Variants in PDE7A observed in about 807,000 individuals in gnomAD.
The protein encoded by PDE7A is phosphodiesterase 7A.
PDE7A carries 39 observed loss-of-function variants against 64.3 expected under a neutral mutation model. That is an observed-to-expected ratio of 0.61 (90% confidence interval 0.47 to 0.79). The LOEUF is 0.79. Among genes scored for constraint, PDE7A ranks in the 30% least tolerant of loss-of-function variants. The probability of loss-of-function intolerance (pLI) is 0.00; values close to 1 mark genes in which losing one functional copy is unlikely to be tolerated. For synonymous variants in PDE7A, 203 were observed against 206.8 expected (o/e 0.98, Z 0.16); for missense variants, 470 against 582.8 (o/e 0.81, Z 1.99).
chr8:65,745,535 T>C (rs1363165807), intron 4 of PDE7A, 65 bp from the exon 5 acceptor site: 2 of 873,688 alleles, frequency 2.3e-6, no homozygotes, highest in Non-Finnish European at 3.8e-6. Flanking sequence ...TTGGAGATAT[T>C]CCATAGAGAA....
At chr8:65,723,677 A>T (rs1206099035) in intron 11 of PDE7A, 56 bp from the exon 12 acceptor site, 13 of 1,252,800 alleles carry the variant, frequency 1.0e-5, no homozygotes, top group Non-Finnish European at 1.4e-5. Context: ...GGTTAAATAT[A>T]TAATTAAAGG....
chr8:65,731,320 C>G (rs991295409), intron 7 of PDE7A, among the ~76,000 whole-genome samples: 2 of 152,100 alleles, frequency 1.3e-5, no homozygotes, highest in African/African-American at 4.8e-5. Context: ...CAGGGAGGGA[C>G]GTGCAGGGCC....
At chr8:65,826,904 T>C (rs1393166736) in intron 1 of PDE7A, among the ~76,000 whole-genome samples, 2 of 152,290 alleles carry the variant, frequency 1.3e-5, no homozygotes, top group East Asian at 3.9e-4. Flanking sequence ...CTTGGTGTTC[T>C]TGGCTGGTGG....
intron 3 of PDE7A, among the ~76,000 whole-genome samples, chr8:65,757,915 C>G (rs577497081): frequency 6.6e-6 from 1 of 152,350 alleles, no homozygotes; most frequent in South Asian, 2.1e-4. Context: ...CCACACCCAG[C>G]CAACTCCAAG....
In PDE7A at chr8:65,767,241, G is replaced by A. The variant is rs117775394; in HGVS notation, c.283+12479C>T. Among the ~76,000 whole-genome samples the A allele has an allele frequency of 8.0e-3, 1,222 of 152,230 alleles. 14 individuals carry two copies. The highest frequency in any genetic ancestry group is 9.3e-3 in the Non-Finnish European group (631 of 68,004). On this transcript the variant is annotated intron_variant, in intron 3 of 12. Transcript: ENST00000401827. ...AGCATGAACCTCAGATTTTTGTTAC[G>A]TAAATAAATCATCAATGACCAGCAT...
At chr8:65,750,381 C>T (rs1414940019) in intron 3 of PDE7A, among the ~76,000 whole-genome samples, 1 of 152,008 alleles carries the variant, frequency 6.6e-6, no homozygotes, top group African/African-American at 2.4e-5. Context: ...CCTTAAATTA[C>T]ACACAAAAGG....
At chr8:65,810,360 T>TGGGGGG (rs370920760) in intron 1 of PDE7A, among the ~76,000 whole-genome samples, 2 of 124,196 alleles carry the variant, frequency 1.6e-5, no homozygotes, top group Non-Finnish European at 3.3e-5. Context: ...GGTGGGGGGA[T>TGGGGGG]GGGGGAGGGA....
At chr8:65,835,502 TCC>T (rs1179435258) in intron 1 of PDE7A, among the ~76,000 whole-genome samples, 1 of 152,166 alleles carries the variant, frequency 6.6e-6, no homozygotes, top group Non-Finnish European at 1.5e-5. Context: ...TTTTGTCCAC[TCC>T]CCCTTTCTTC....
rs1365367636 is a variant in PDE7A, at chr8:65,718,997, T to A, written c.*293A>T. ...TTGAAGATTAGATGCTTTGAAAAAG[T>A]CGTGGCACATATCAAAACTTCCTTT... On this transcript the variant is annotated 3_prime_UTR_variant, in exon 13 of 13. Coordinates refer to ENST00000401827, the MANE Select transcript of PDE7A (RefSeq NM_001242318.3). 2 of 422,712 alleles carry A rather than the reference T, an allele frequency of 4.7e-6. No individual in the cohort carries two copies. The highest frequency in any genetic ancestry group is 4.0e-5 in the African/African-American group (2 of 50,402). 26.2% of individuals were successfully genotyped at this position (422,712 alleles called of 1,614,324 possible). A position where few individuals can be genotyped will look rare whatever the true frequency, so the allele number is the denominator to read the frequency against.
At chr8:65,792,085 T>A (rs1157679513) in intron 1 of PDE7A, among the ~76,000 whole-genome samples, 1 of 152,236 alleles carries the variant, frequency 6.6e-6, no homozygotes, top group Non-Finnish European at 1.5e-5. Context: ...GATCATGTAG[T>A]TTATTATTCT....
At chr8:65,738,306 C>T (rs1807242665) in intron 6 of PDE7A, among the ~76,000 whole-genome samples, 1 of 152,136 alleles carries the variant, frequency 6.6e-6, no homozygotes, top group African/African-American at 2.4e-5. Flanking sequence ...ATCTCTTGAT[C>T]TGGGCACTAT....
intron 3 of PDE7A, chr8:65,771,373 A>T (rs911170814): frequency 6.6e-6 from 1 of 152,542 alleles, no homozygotes; most frequent in African/African-American, 2.4e-5. Flanking sequence ...ATATTTCAAC[A>T]TCTAAAAAAA....
chr8:65,719,102 G>T lies in PDE7A; in HGVS notation c.*188C>A. The T allele has an allele frequency of 1.7e-6, 1 of 595,050 alleles. No homozygotes were observed. Among genetic ancestry groups the T allele is most frequent in the Non-Finnish European group, 3.0e-6 (1 of 333,112 alleles). 36.9% of individuals were successfully genotyped at this position (595,050 alleles called of 1,614,324 possible). A position where few individuals can be genotyped will look rare whatever the true frequency, so the allele number is the denominator to read the frequency against. ...GAAAGCCAAATTCATATTGCTGTAT[G>T]TTCGGGTCTTGCAATTAACAAGTGG... is the stretch of plus-strand genomic sequence containing the variant. On this transcript the variant is annotated 3_prime_UTR_variant, in exon 13 of 13. Coordinates refer to ENST00000401827, the MANE Select transcript of PDE7A (RefSeq NM_001242318.3).
chr8:65,739,039 T>A (rs948569163), intron 6 of PDE7A, among the ~76,000 whole-genome samples: 1 of 152,218 alleles, frequency 6.6e-6, no homozygotes, highest in Non-Finnish European at 1.5e-5. Context: ...GTGGGCCGAT[T>A]CTGAGCCCAG....
Position 65,734,818 on chromosome 8 carries a change from C to T in PDE7A, c.672G>A (p.Met224Ile). The change falls in exon 7 of 13, where the codon ATG becomes ATA. Residue 224 changes from methionine to isoleucine, a missense_variant. Met to Ile is a conservative substitution (Grantham distance 10). Coordinates refer to ENST00000401827, the MANE Select transcript of PDE7A (RefSeq NM_001242318.3). ...AVHAADVTQA[M>I]HCYLKEPKLA... ...CCTTAGGTTCCTTTAAGTAACAGTG[C>T]ATGGCCTGAGTAACATCCGCAGCGT... 6.2e-7 allele frequency: 1 copy of T among 1,606,720 alleles called. No individual in the cohort carries two copies. Among genetic ancestry groups the T allele is most frequent in the Non-Finnish European group, 8.5e-7 (1 of 1,173,280 alleles).
At chr8:65,808,837 A>G (rs1444214841) in intron 1 of PDE7A, among the ~76,000 whole-genome samples, 2 of 152,336 alleles carry the variant, frequency 1.3e-5, no homozygotes, top group African/African-American at 4.8e-5. Context: ...TAGTTCTTAA[A>G]CTGGGTGATT....
At position 65,805,748 on chromosome 8, in the gene PDE7A, G is replaced by T. The variant is rs151013588; in HGVS notation, c.139-22905C>A. ...TGCTGCTGCCTAAGACACAGGCATG[G>T]CTTCTGTTCGTAAGTCCCTATTAAA... is the stretch of plus-strand genomic sequence containing the variant. On this transcript the variant is annotated intron_variant, in intron 1 of 12. Coordinates refer to ENST00000401827, the MANE Select transcript of PDE7A (RefSeq NM_001242318.3). Among the ~76,000 whole-genome samples, 274 of 150,774 alleles carry T rather than the reference G, an allele frequency of 1.8e-3. 1 individual carries two copies. The highest frequency in any genetic ancestry group is 6.3e-3 in the African/African-American group (256 of 40,340).
At chr8:65,772,642 AAAG>A (rs1273663584) in intron 3 of PDE7A, among the ~76,000 whole-genome samples, 3 of 152,218 alleles carry the variant, frequency 2.0e-5, no homozygotes, top group African/African-American at 7.2e-5. Context: ...ACTGGAAATA[AAAG>A]AAGGATAATC....
At chr8:65,745,598 T>C (rs1585861159) in intron 4 of PDE7A, 128 bp from the exon 5 acceptor site, 1 of 604,610 alleles carries the variant, frequency 1.7e-6, no homozygotes, top group Middle Eastern at 4.3e-4. Context: ...AAGTATCATT[T>C]TTCTTTTAAT....
Sources: allele counts gnomAD v4.1 joint callset (sites outside exome capture counted in the v4.1 genomes callset), GRCh38; gene constraint gnomAD v4.1.1; transcripts MANE v1.5; gene names NCBI Gene and HGNC (gene_info 2026-07-23, HGNC 2026-07-21).